NEMF: variants seen among roughly 807,000 people sequenced by gnomAD.
NEMF encodes ribosome quality control complex subunit NEMF.
NEMF carries 89 observed loss-of-function variants against 162.2 expected under a neutral mutation model. That is an observed-to-expected ratio of 0.55 (90% CI 0.46 to 0.65). The LOEUF is 0.65. Among genes scored for constraint, NEMF ranks in the 30% least tolerant of loss-of-function variants. The pLI is 0.00. For synonymous variants in NEMF, 421 were observed against 404.5 expected (o/e 1.04, Z -0.49); for missense variants, 1,133 against 1,261.9 (o/e 0.90, Z 1.55).
intron 6 of NEMF, among the ~76,000 whole-genome samples, chr14:49,836,067 C>T (rs931420201): frequency 3.3e-5 from 5 of 152,142 alleles, no homozygotes; most frequent in Admixed American, 6.6e-5. Flanking sequence ...CAGTGGCTCA[C>T]AGCTGTAATT....
At chr14:49,826,077 C>A (rs1448170962) in intron 15 of NEMF, 122 bp from the exon 16 acceptor site, 3 of 591,882 alleles carry the variant, frequency 5.1e-6, no homozygotes, top group East Asian at 5.7e-5. Context: ...CACACACACA[C>A]ACAAACACAC....
In NEMF at chr14:49,834,441, G is replaced by T. The variant is rs1443534081; in HGVS notation, c.583C>A (p.Pro195Thr). ...RVLNPLLPYG[P>T]ALIEHCLLEN... ...AAAAGACAGTGTTCAATGAGAGCTG[G>T]TCCATAGGCTATAAATGCAGAGGAT... Residue 195 changes from proline (P) to threonine (T), a missense_variant, in exon 7 of 33, where the codon CCA becomes ACA. Around this residue, in one of 3 missense-constraint regions of NEMF, gnomAD observed 582 missense variants for 631.5 expected, o/e 0.92. Coordinates refer to ENST00000298310, the MANE Select transcript of NEMF (RefSeq NM_004713.6). The T allele has an allele frequency of 1.3e-6, 2 of 1,588,838 alleles. No individual in the cohort carries two copies. The highest frequency in any genetic ancestry group is 2.2e-5 in the East Asian group (1 of 44,764).
chr14:49,832,553 G>A (rs1406366117), intron 8 of NEMF, among the ~76,000 whole-genome samples: 2 of 151,940 alleles, frequency 1.3e-5, no homozygotes, highest in African/African-American at 2.4e-5. Flanking sequence ...GGGTGGTGTC[G>A]AACTCTTGGT....
Position 49,852,780 on chromosome 14 carries a change from A to G in NEMF, c.-27T>C, listed in dbSNP as rs199987397. ...GCGAGGCCCGAGGGTCACTACCGCAAGTTCCTCTACTGCCCGGCCGGACTC... is the reference window on the plus strand; with the variant it reads ...GCGAGGCCCGAGGGTCACTACCGCAGGTTCCTCTACTGCCCGGCCGGACTC... On this transcript the variant is annotated 5_prime_UTR_variant, in exon 1 of 33. Transcript: ENST00000298310. 22,666 of 1,613,652 alleles carry G rather than the reference A, an allele frequency of 0.014. 229 individuals are homozygous for G. The highest frequency in any genetic ancestry group is 0.017 in the Non-Finnish European group (20,594 of 1,179,612).
At chr14:49,819,088 C>T (rs1374663382) in intron 16 of NEMF, among the ~76,000 whole-genome samples, 1 of 152,036 alleles carries the variant, frequency 6.6e-6, no homozygotes, top group East Asian at 1.9e-4. Context: ...GCAGCCTGTG[C>T]CACAGAGCGA....
At chr14:49,836,254 G>A (rs1486538699) in intron 6 of NEMF, among the ~76,000 whole-genome samples, 1 of 152,184 alleles carries the variant, frequency 6.6e-6, no homozygotes, top group Non-Finnish European at 1.5e-5. Flanking sequence ...ACTCCAGCCT[G>A]GGCAACAGAA....
At chr14:49,804,387 A>G (rs1255134351) in intron 19 of NEMF, among the ~76,000 whole-genome samples, 2 of 152,132 alleles carry the variant, frequency 1.3e-5, no homozygotes, top group African/African-American at 4.8e-5. Flanking sequence ...TAATTTAAAA[A>G]AATTTTGGGG....
At position 49,783,462 on chromosome 14, in the gene NEMF, T is replaced by G. The variant is rs1364036702; in HGVS notation, c.*1174A>C. On this transcript the variant is annotated 3_prime_UTR_variant, in exon 33 of 33. Coordinates refer to ENST00000298310, the MANE Select transcript of NEMF (RefSeq NM_004713.6). ...CAACTGTTCAGTACTTTGACCTTAA[T>G]GCTTCAGTGTAGGGGCTGGAGCAAG... 1 of 152,194 alleles carries G rather than the reference T, an allele frequency of 6.6e-6. No individual in the cohort carries two copies. The highest frequency in any genetic ancestry group is 1.5e-5 in the Non-Finnish European group (1 of 68,048). The allele number at this position is 152,194 out of a possible 1,614,324, so 9.4% of individuals were successfully genotyped here. A position where few individuals can be genotyped will look rare whatever the true frequency, so the allele number is the denominator to read the frequency against.
At chr14:49,845,047 G>A (rs947790652) in intron 4 of NEMF, among the ~76,000 whole-genome samples, 4 of 151,274 alleles carry the variant, frequency 2.6e-5, no homozygotes, top group South Asian at 2.1e-4. Flanking sequence ...GGGATTACAG[G>A]TGTGAGCCAC....
At position 49,831,285 on chromosome 14, in the gene NEMF, T is replaced by TTAATAATAC; in HGVS notation, c.945+5_945+13dup. On this transcript the variant is annotated intron_variant, in intron 11 of 32. Transcript: ENST00000298310. ...AGACTAGCTGGTTTAATATGTGTTT[T>TTAATAATAC]TAATAATACATACCTGTTGTAAAGC... 1.4e-6 allele frequency: 2 copies of TTAATAATAC among 1,464,936 alleles called. No homozygotes were observed. Among genetic ancestry groups the TTAATAATAC allele is most frequent in the Non-Finnish European group, 1.9e-6 (2 of 1,048,828 alleles). The allele number at this position is 1,464,936 out of a possible 1,614,324, so 90.7% of individuals were successfully genotyped here.
In NEMF at chr14:49,832,196, T is replaced by C; in HGVS notation, c.806+11A>G. ...CATCCAAAGCAAATTGACCCATGCC[T>C]ATATGCTTACGTCAGTATGTCTTCA... On this transcript the variant is annotated intron_variant, in intron 9 of 32. Coordinates refer to ENST00000298310, the MANE Select transcript of NEMF (RefSeq NM_004713.6). 6.2e-7 allele frequency: 1 copy of C among 1,603,854 alleles called. No individual in the cohort carries two copies. Among genetic ancestry groups the C allele is most frequent in the Non-Finnish European group, 8.5e-7 (1 of 1,173,280 alleles).
rs1893154884 is a variant in NEMF at position 49,840,657 on chromosome 14, A to G, written c.506+61T>C. On this transcript the variant is annotated intron_variant, in intron 5 of 32. Coordinates refer to ENST00000298310, the MANE Select transcript of NEMF (RefSeq NM_004713.6). ...CCTTTTTTTTAAGAGACAGGGTCTC[A>G]TTATGTTGCCCAGTACATTTTAATA... is the stretch of plus-strand genomic sequence containing the variant. 2.8e-6 allele frequency: 4 copies of G among 1,446,240 alleles called. No individual in the cohort carries two copies. The African/African-American group carries it at 4.3e-5, about 16-fold the overall frequency. 89.6% of individuals were successfully genotyped at this position (1,446,240 alleles called of 1,614,324 possible).
chr14:49,829,460 G>C (rs1892531908), intron 11 of NEMF, 34 bp from the exon 12 acceptor site: 1 of 1,542,198 alleles, frequency 6.5e-7, no homozygotes, highest in Admixed American at 1.7e-5. Flanking sequence ...TTAAAAATTA[G>C]ATTTCTCCTA....
At chr14:49,811,995 A>G (rs1371476476) in intron 18 of NEMF, among the ~76,000 whole-genome samples, 1 of 152,144 alleles carries the variant, frequency 6.6e-6, no homozygotes, top group East Asian at 1.9e-4. Context: ...AAGAACTGGC[A>G]TTCAACCTTC....
At chr14:49,799,433 A>AGAAAAACATGC in intron 25 of NEMF, 42 bp downstream of exon 25, 1 of 1,534,930 alleles carries the variant, frequency 6.5e-7, no homozygotes, top group Non-Finnish European at 8.8e-7. Context: ...TAAAAAAAAA[A>AGAAAAACATGC]GAAAAACATG....
At chr14:49,833,039 G>A (rs1892721665) in intron 8 of NEMF, among the ~76,000 whole-genome samples, 1 of 152,178 alleles carries the variant, frequency 6.6e-6, no homozygotes, top group East Asian at 1.9e-4. Flanking sequence ...GCCAAGGCAG[G>A]CGGATCACTT....
In NEMF at chr14:49,795,822, G is replaced by A. The variant is rs751696039; in HGVS notation, c.2588C>T (p.Ala863Val). The A allele has an allele frequency of 5.6e-6, 9 of 1,612,372 alleles. No individual in the cohort carries two copies. The highest frequency in any genetic ancestry group is 5.0e-5 in the Admixed American group (3 of 59,522). The change falls in exon 26 of 33, where the codon GCG (alanine) becomes GTG (valine). Residue 863 changes from alanine to valine, a missense_variant. By Grantham distance (64) the Ala-to-Val change is moderately conservative. Transcript: ENST00000298310. ...ETHQNTSKNV[A>V]AVQPMKRGQK... ...TCCTCGTTTCATTGGCTGCACAGCCGCAACATTTTTGCTTGTGTTCTGATG... is the reference window on the plus strand; with the variant it reads ...TCCTCGTTTCATTGGCTGCACAGCCACAACATTTTTGCTTGTGTTCTGATG...
intron 23 of NEMF, 54 bp downstream of exon 23, chr14:49,800,363 ACCT>A: frequency 1.4e-6 from 1 of 702,054 alleles, no homozygotes. Context: ...TGTAAGGATT[ACCT>A]CATCATCATT....
At chr14:49,821,634 GT>G (rs1462122117) in intron 16 of NEMF, among the ~76,000 whole-genome samples, 1 of 96,260 alleles carries the variant, frequency 1.0e-5, no homozygotes. Flanking sequence ...CGGGAGGGAG[GT>G]GGGGGGCTCA....
Sources: allele counts gnomAD v4.1 joint callset (sites outside exome capture counted in the v4.1 genomes callset), GRCh38; gene constraint gnomAD v4.1.1; regional missense constraint gnomAD v4.1.1; transcripts MANE v1.5; gene names NCBI Gene and HGNC (gene_info 2026-07-23, HGNC 2026-07-21).